CA10: variants seen among roughly 807,000 people sequenced by gnomAD.
The protein encoded by CA10 is carbonic anhydrase-related protein 10.
A neutral mutation model predicts 44.2 loss-of-function variants in CA10; 14 were observed. The observed-to-expected ratio is 0.32, with a 90% confidence interval of 0.21 to 0.50. CA10 has a LOEUF of 0.50. Among genes scored for constraint, CA10 ranks in the 20% least tolerant of loss-of-function variants. CA10 has a pLI of 0.99. For synonymous variants in CA10, 159 were observed against 141.6 expected, an observed-to-expected ratio of 1.12 and a Z score of -0.87; for missense variants, 350 against 409.7, an observed-to-expected ratio of 0.85 and a Z score of 1.26.
chr17:51,919,153 GTAGA>G lies in CA10; in HGVS notation c.279+11833_279+11836del, dbSNP rs200334857. Among the ~76,000 whole-genome samples the G allele has an allele frequency of 2.4e-3, 362 of 152,214 alleles. 15 individuals are homozygous for G. The East Asian group carries it at 0.062, about 26-fold the overall frequency. On this transcript the variant is annotated intron_variant, in intron 3 of 8. Coordinates refer to ENST00000451037, the MANE Select transcript of CA10 (RefSeq NM_020178.5). ...TATATTTCTTTTCTTTTCTGAGGTA[GTAGA>G]TATATTATTATTTATTTTTATTTTA... is the stretch of plus-strand genomic sequence containing the variant.
intron 1 of CA10, among the ~76,000 whole-genome samples, chr17:52,076,131 A>G (rs952890675): frequency 6.6e-6 from 1 of 152,180 alleles, no homozygotes. Context: ...CCCTCTTTTT[A>G]TCTCTCTTCT....
intron 4 of CA10, among the ~76,000 whole-genome samples, chr17:51,711,108 A>C (rs1294211135): frequency 2.0e-5 from 3 of 152,052 alleles, no homozygotes; most frequent in African/African-American, 7.2e-5. Context: ...GTATAAAAGG[A>C]TGCTTAGATT....
chr17:51,930,296 C>T (rs576080051), intron 3 of CA10, among the ~76,000 whole-genome samples: 50 of 152,132 alleles, frequency 3.3e-4, no homozygotes, highest in African/African-American at 1.2e-3. Context: ...CTTTAACAAC[C>T]TACTCAACAG....
Position 51,931,202 on chromosome 17 carries a change from C to A in CA10, c.137-70G>T, listed in dbSNP as rs1982645502. On this transcript the variant is annotated intron_variant, in intron 2 of 8. Coordinates refer to ENST00000451037, the MANE Select transcript of CA10 (RefSeq NM_020178.5). ...GGGGAAACAACATAAATAAACAGAG[C>A]TATGTACAAACGTGGTAAAATGGAA... is the stretch of plus-strand genomic sequence containing the variant. 2.0e-6 allele frequency: 3 copies of A among 1,478,548 alleles called. No homozygotes were observed. In the South Asian group the frequency reaches 3.6e-5, roughly 18 times the overall value. The allele number at this position is 1,478,548 out of a possible 1,614,324, so 91.6% of individuals were successfully genotyped here. A position where few individuals can be genotyped will look rare whatever the true frequency, so the allele number is the denominator to read the frequency against.
intron 4 of CA10, among the ~76,000 whole-genome samples, chr17:51,700,183 A>G (rs1450244657): frequency 1.3e-5 from 2 of 152,202 alleles, no homozygotes; most frequent in Non-Finnish European, 2.9e-5. Context: ...TGTCCCGGTC[A>G]GTGAAGTAGT....
At chr17:51,735,206 A>T (rs967936978) in intron 4 of CA10, among the ~76,000 whole-genome samples, 1 of 152,222 alleles carries the variant, frequency 6.6e-6, no homozygotes, top group Non-Finnish European at 1.5e-5. Context: ...GGAATATTAC[A>T]CAGCCATAAA....
intron 3 of CA10, among the ~76,000 whole-genome samples, chr17:51,806,102 T>G (rs1469048213): frequency 2.6e-5 from 4 of 152,124 alleles, no homozygotes; most frequent in Non-Finnish European, 5.9e-5. Context: ...CAGAGCTTTG[T>G]GGTATGGTGA....
intron 4 of CA10, among the ~76,000 whole-genome samples, chr17:51,697,752 CAAAT>C (rs968993533): frequency 2.0e-5 from 3 of 152,188 alleles, no homozygotes; most frequent in Non-Finnish European, 4.4e-5. Flanking sequence ...AATGAATAAA[CAAAT>C]GAATGCATGA....
At chr17:51,904,347 C>T (rs1981449976) in intron 3 of CA10, among the ~76,000 whole-genome samples, 1 of 152,032 alleles carries the variant, frequency 6.6e-6, no homozygotes, top group Admixed American at 6.6e-5. Flanking sequence ...TAAACTGGCT[C>T]ATCTATCCAA....
intron 1 of CA10, among the ~76,000 whole-genome samples, chr17:52,081,120 G>C (rs1398060413): frequency 6.6e-6 from 1 of 152,094 alleles, no homozygotes; most frequent in Non-Finnish European, 1.5e-5. Context: ...GAAAAGGAAA[G>C]AACTGAATTC....
chr17:51,974,916 T>G (rs1282636314), intron 2 of CA10, among the ~76,000 whole-genome samples: 1 of 152,024 alleles, frequency 6.6e-6, no homozygotes, highest in Non-Finnish European at 1.5e-5. Context: ...TGAGGAGAAT[T>G]TTAAAGGCAA....
intron 2 of CA10, among the ~76,000 whole-genome samples, chr17:51,937,499 AC>A (rs1392943942): frequency 6.6e-6 from 1 of 152,094 alleles, no homozygotes; most frequent in Non-Finnish European, 1.5e-5. Context: ...AGGGTCTTTA[AC>A]TAGGGCTGCC....
At chr17:51,936,380 A>T (rs1334006875) in intron 2 of CA10, among the ~76,000 whole-genome samples, 1 of 152,156 alleles carries the variant, frequency 6.6e-6, no homozygotes, top group East Asian at 1.9e-4. Flanking sequence ...TAAAGCATGT[A>T]TGGGAGAGAA....
intron 3 of CA10, among the ~76,000 whole-genome samples, chr17:51,749,382 C>T (rs57024212): frequency 3.3e-5 from 5 of 151,954 alleles, no homozygotes; most frequent in South Asian, 2.1e-4. Context: ...TTCGTGGAGC[C>T]GTGAAACTAC....
intron 1 of CA10, among the ~76,000 whole-genome samples, chr17:52,127,900 A>T (rs1168941310): frequency 6.6e-6 from 1 of 152,214 alleles, no homozygotes; most frequent in Non-Finnish European, 1.5e-5. Flanking sequence ...TTTGGAATTA[A>T]TAACAACTAC....
intron 3 of CA10, among the ~76,000 whole-genome samples, chr17:51,846,861 C>A (rs1386815999): frequency 6.6e-6 from 1 of 152,090 alleles, no homozygotes; most frequent in Non-Finnish European, 1.5e-5. Context: ...GCGATCATGC[C>A]CTAAAATGGT....
intron 3 of CA10, among the ~76,000 whole-genome samples, chr17:51,776,377 G>A (rs1176153851): frequency 1.3e-5 from 2 of 151,700 alleles, no homozygotes; most frequent in Non-Finnish European, 2.9e-5. Context: ...TCTAAGAAAA[G>A]ATAAATAAAT....
At position 51,631,477 on chromosome 17, in the gene CA10, G is replaced by T; in HGVS notation, c.*107C>A. The stretch of plus-strand genomic sequence containing the variant: ...AAGGGCCAATCCCAAGAATGAATGA[G>T]GCTTGGGGGAAAGAAGGAGAGAGAA... On this transcript the variant is annotated 3_prime_UTR_variant, in exon 9 of 9. Transcript: ENST00000451037. 9.4e-7 allele frequency: 1 copy of T among 1,064,318 alleles called. No individual in the cohort carries two copies. The highest frequency in any genetic ancestry group is 1.6e-5 in the African/African-American group (1 of 63,346). The allele number at this position is 1,064,318 out of a possible 1,614,324, so 65.9% of individuals were successfully genotyped here. A position where few individuals can be genotyped will look rare whatever the true frequency, so the allele number is the denominator to read the frequency against.
intron 3 of CA10, among the ~76,000 whole-genome samples, chr17:51,816,145 C>A (rs1372176079): frequency 1.3e-5 from 2 of 152,202 alleles, no homozygotes; most frequent in East Asian, 3.9e-4. Context: ...ACTTTTAGAT[C>A]ACACAAATAA....
Sources: allele counts gnomAD v4.1 joint callset (sites outside exome capture counted in the v4.1 genomes callset), GRCh38; gene constraint gnomAD v4.1.1; transcripts MANE v1.5; gene names NCBI Gene and HGNC (gene_info 2026-07-23, HGNC 2026-07-21).